PHF6: variants seen among roughly 807,000 people sequenced by gnomAD.
PHF6 encodes the protein PHD-like zinc finger protein.
PHF6 carries 7 observed loss-of-function variants against 34.0 expected under a neutral mutation model. The ratio of observed to expected loss-of-function variants is 0.21; its 90% CI spans 0.12 to 0.39. The LOEUF (loss-of-function observed/expected upper bound fraction) is 0.39. Among genes scored for constraint, PHF6 ranks in the 10% least tolerant of loss-of-function variants. The pLI is 1.00. For missense variants in PHF6, 128 were observed against 262.8 expected, an observed-to-expected ratio of 0.49 and a Z score of 3.55; for synonymous variants, 89 against 88.4, an observed-to-expected ratio of 1.01 and a Z score of -0.04.
chrX:134,418,101 A>T (rs1004437419), intron 9 of PHF6: 1 of 111,304 alleles, frequency 9.0e-6, no homozygotes, highest in Non-Finnish European at 1.9e-5. Flanking sequence ...ATTAAGGACA[A>T]AGGTGAGCCT....
chrX:134,381,899 C>T (rs1207478910), intron 3 of PHF6, among the ~76,000 whole-genome samples: 2 of 111,524 alleles, frequency 1.8e-5, no homozygotes, highest in African/African-American at 6.5e-5. Flanking sequence ...TCAAAATCAT[C>T]GAAAACTGGA....
chrX:134,385,774 C>T (rs928647519), intron 3 of PHF6, among the ~76,000 whole-genome samples: 5 of 111,453 alleles, frequency 4.5e-5, no homozygotes, highest in African/African-American at 1.3e-4. Context: ...GTGTATGCCT[C>T]AAACATGAGA....
At chrX:134,419,415 T>C (rs1264809173) in intron 9 of PHF6, 1 of 111,150 alleles carries the variant, frequency 9.0e-6, no homozygotes, top group Admixed American at 9.6e-5. Context: ...AATATATTAA[T>C]ATAATTTATT....
intron 5 of PHF6, among the ~76,000 whole-genome samples, chrX:134,403,639 G>A (rs1370038120): frequency 1.8e-5 from 2 of 112,060 alleles, no homozygotes; most frequent in African/African-American, 3.2e-5. Context: ...TGTATTGGAA[G>A]GAGATGCCAT....
Position 134,413,841 on chromosome X carries a change from A to G in PHF6, c.604A>G (p.Arg202Gly). The G allele has an allele frequency of 8.3e-7, 1 of 1,211,447 alleles. No homozygotes were observed. The highest frequency in any genetic ancestry group is 1.1e-6 in the Non-Finnish European group (1 of 895,266). Residue 202 changes from arginine to glycine, a missense_variant, in exon 7 of 11, where the codon AGA (arginine) becomes GGA (glycine). This residue lies in a region of PHF6 where 97 missense variants were observed against 152.9 expected (regional missense o/e 0.63). Transcript: ENST00000370803. ...SSSYRDRSPH[R>G]SSPSDTRPKC... ...TTTGCAGAGAGATAGGTCTCCACACAGAAGCAGCCCTAGTGACACCAGGCC... is the reference window on the plus strand; with the variant it reads ...TTTGCAGAGAGATAGGTCTCCACACGGAAGCAGCCCTAGTGACACCAGGCC...
intron 3 of PHF6, among the ~76,000 whole-genome samples, chrX:134,379,643 T>C (rs1785405584): frequency 9.1e-6 from 1 of 109,596 alleles, no homozygotes; most frequent in South Asian, 3.9e-4. Flanking sequence ...TGTTTCACCA[T>C]GTTGGTCAGG....
chrX:134,385,179 C>T (rs2077326515), intron 3 of PHF6, among the ~76,000 whole-genome samples: 1 of 111,264 alleles, frequency 9.0e-6, no homozygotes, highest in Non-Finnish European at 1.9e-5. Context: ...TCTCTCTCCT[C>T]TAGGTTTTCC....
chrX:134,395,247 A>G (rs1448634643), intron 5 of PHF6, among the ~76,000 whole-genome samples: 4 of 112,402 alleles, frequency 3.6e-5, no homozygotes, highest in Non-Finnish European at 7.5e-5. Context: ...TTTTGTGATC[A>G]CCAGGCTTTC....
Position 134,427,655 on chromosome X carries a change from G to C in PHF6, c.*1995G>C, listed in dbSNP as rs1034288366. ...GCCCTTTTTCTGCCACTAGCAACCA[G>C]AATAGCACTTTACCTTTTGGTTGGC... is the stretch of plus-strand genomic sequence containing the variant. On this transcript the variant is annotated 3_prime_UTR_variant, in exon 11 of 11. Coordinates refer to ENST00000370803, the MANE Select transcript of PHF6 (RefSeq NM_001015877.2). 1 of 161,054 alleles carries C rather than the reference G, an allele frequency of 6.2e-6. No individual in the cohort carries two copies. The highest frequency in any genetic ancestry group is 1.2e-5 in the Non-Finnish European group (1 of 83,194). The allele number at this position is 161,054 out of a possible 1,213,427, so 13.3% of individuals were successfully genotyped here.
intron 9 of PHF6, chrX:134,419,105 G>A (rs1602718970): frequency 1.8e-5 from 2 of 111,704 alleles, no homozygotes; most frequent in Middle Eastern, 9.2e-3. Context: ...CCCTGCCTCA[G>A]TCTTCTAAAG....
rs775368963 is a variant in PHF6 at position 134,413,620 on chromosome X, C to T, written c.548C>T (p.Ser183Phe). The change falls in exon 6 of 11, where the codon TCC becomes TTC. Residue 183 changes from serine (S) to phenylalanine (F), a missense_variant. Coordinates refer to ENST00000370803, the MANE Select transcript of PHF6 (RefSeq NM_001015877.2). The part of the protein sequence containing the change: ...KGLSEDTRST[S>F]SHGTDEMESS... Reference sequence around the variant, plus strand: ...CTGTCAGAAGATACCAGGTCCACATCCTCCCATGGAACAGATGAAATGGAA... The same window carrying T: ...CTGTCAGAAGATACCAGGTCCACATTCTCCCATGGAACAGATGAAATGGAA... 8.3e-7 allele frequency: 1 copy of T among 1,211,147 alleles called. No homozygotes were observed. Among genetic ancestry groups the T allele is most frequent in the Non-Finnish European group, 1.1e-6 (1 of 895,246 alleles).
chrX:134,390,141 A>G (rs2077347012), intron 3 of PHF6, among the ~76,000 whole-genome samples: 1 of 112,195 alleles, frequency 8.9e-6, no homozygotes. Flanking sequence ...GTAGACTAAG[A>G]TAATTTTCCC....
chrX:134,398,612 G>A (rs1474344208), intron 5 of PHF6, among the ~76,000 whole-genome samples: 1 of 111,707 alleles, frequency 9.0e-6, no homozygotes, highest in Non-Finnish European at 1.9e-5. Flanking sequence ...AGACAAATTT[G>A]AGAGAGTGTT....
chrX:134,390,545 A>C (rs1038387411), intron 3 of PHF6, among the ~76,000 whole-genome samples: 2 of 112,343 alleles, frequency 1.8e-5, no homozygotes, highest in Non-Finnish European at 3.8e-5. Flanking sequence ...GCCAAAAACT[A>C]TTTTGGTATA....
At chrX:134,399,211 A>G (rs2077391014) in intron 5 of PHF6, among the ~76,000 whole-genome samples, 2 of 111,499 alleles carry the variant, frequency 1.8e-5, no homozygotes, top group African/African-American at 6.5e-5. Context: ...TTCAGTGACA[A>G]CGGAGCCATG....
At chrX:134,393,689 G>A in intron 4 of PHF6, 55 bp downstream of exon 4, 1 of 1,100,111 alleles carries the variant, frequency 9.1e-7, no homozygotes, top group South Asian at 2.0e-5. Flanking sequence ...CTTTCTTTGG[G>A]CTTTTGTAAA....
intron 5 of PHF6, among the ~76,000 whole-genome samples, chrX:134,402,783 T>C (rs780235647): frequency 8.9e-6 from 1 of 112,516 alleles, no homozygotes; most frequent in South Asian, 3.7e-4. Context: ...ATATGCTCAC[T>C]TTGTTTCTGT....
chrX:134,396,885 T>TA (rs35795052), intron 5 of PHF6, among the ~76,000 whole-genome samples: 11,809 of 81,396 alleles, frequency 0.15, 736 homozygotes, highest in East Asian at 0.23. Flanking sequence ...TGTACTGCAC[T>TA]AAAAAAAAAA....
intron 10 of PHF6, 36 bp downstream of exon 10, chrX:134,425,366 A>G: frequency 2.4e-5 from 29 of 1,195,846 alleles, no homozygotes; most frequent in Non-Finnish European, 3.3e-5. Context: ...TGTTGTCAGG[A>G]TACAATACAC....
Sources: gnomAD v4.1 joint callset for allele counts (sites outside exome capture counted in the v4.1 genomes callset) on GRCh38, gnomAD v4.1.1 for gene constraint, gnomAD v4.1.1 regional missense constraint, MANE v1.5 for transcripts, NCBI Gene and HGNC (gene_info 2026-07-23, HGNC 2026-07-21) for gene names.